CHODL: variants seen among roughly 807,000 people sequenced by gnomAD.
CHODL encodes the protein chondrolectin, also known as transmembrane protein MT75.
A neutral mutation model predicts 34.5 loss-of-function variants in CHODL; 29 were observed. The ratio of observed to expected loss-of-function variants is 0.84; its 90% confidence interval spans 0.63 to 1.15. The LOEUF (loss-of-function observed/expected upper bound fraction) is 1.15. CHODL is among the 50% of genes most tolerant of loss of function. The probability of loss-of-function intolerance (pLI) is 0.00; values close to 1 mark genes in which losing one functional copy is unlikely to be tolerated. For synonymous variants in CHODL, 125 were observed against 116.1 expected (o/e 1.08, Z -0.49); for missense variants, 332 against 332.5 (o/e 1.00, Z 0.01).
intron 1 of CHODL, among the ~76,000 whole-genome samples, chr21:18,249,030 A>C (rs2074198057): frequency 6.7e-5 from 8 of 118,622 alleles, no homozygotes; most frequent in African/African-American, 2.9e-4. Context: ...ACATAATATT[A>C]ATATATATAA....
At chr21:17,934,072 T>C (rs112405064) in intron 1 of CHODL, among the ~76,000 whole-genome samples, 9,401 of 150,578 alleles carry the variant, frequency 0.062, 827 homozygotes, top group African/African-American at 0.2. Flanking sequence ...TAGTAGTCAC[T>C]GGAGACTCCA....
intron 2 of CHODL, among the ~76,000 whole-genome samples, chr21:18,091,848 A>T (rs983806374): frequency 6.6e-6 from 1 of 152,310 alleles, no homozygotes; most frequent in Non-Finnish European, 1.5e-5. Context: ...TGATGGCCAC[A>T]GGGAGAGGCT....
intron 2 of CHODL, among the ~76,000 whole-genome samples, chr21:18,151,061 C>T (rs995832103): frequency 5.2e-5 from 7 of 134,444 alleles, no homozygotes; most frequent in African/African-American, 1.2e-4. Context: ...CCAGACTGGG[C>T]GACAGAGCGA....
chr21:18,166,332 A>C (rs1404110058), intron 2 of CHODL, among the ~76,000 whole-genome samples: 3 of 152,288 alleles, frequency 2.0e-5, no homozygotes, highest in East Asian at 1.9e-4. Context: ...CATTTGGAGG[A>C]TCTTCCTTTT....
chr21:18,172,311 C>G (rs1242297659), intron 2 of CHODL, among the ~76,000 whole-genome samples: 1 of 152,118 alleles, frequency 6.6e-6, no homozygotes, highest in Non-Finnish European at 1.5e-5. Flanking sequence ...TAAATAAAGA[C>G]AAGTCCTGTG....
chr21:18,068,609 C>T (rs927614477), intron 2 of CHODL, among the ~76,000 whole-genome samples: 2 of 152,154 alleles, frequency 1.3e-5, no homozygotes, highest in Non-Finnish European at 2.9e-5. Context: ...CTGGAAAGTG[C>T]TCTCGTAGAT....
At chr21:18,140,365 C>G (rs1159465698) in intron 2 of CHODL, among the ~76,000 whole-genome samples, 1 of 152,126 alleles carries the variant, frequency 6.6e-6, no homozygotes, top group Non-Finnish European at 1.5e-5. Context: ...GCTGCCCTTT[C>G]TATATGATGT....
At chr21:18,182,606 C>A (rs2073394679) in intron 2 of CHODL, among the ~76,000 whole-genome samples, 1 of 151,946 alleles carries the variant, frequency 6.6e-6, no homozygotes, top group Non-Finnish European at 1.5e-5. Context: ...GATTTTATGT[C>A]CCATAGTTTA....
At chr21:18,233,837 A>G (rs190321895) in intron 2 of CHODL, among the ~76,000 whole-genome samples, 22 of 152,298 alleles carry the variant, frequency 1.4e-4, no homozygotes, top group Admixed American at 7.2e-4. Context: ...ACTTACAACA[A>G]TAAATATAAT....
At chr21:18,193,744 T>TAAATAAATAAA (rs1555881319) in intron 2 of CHODL, among the ~76,000 whole-genome samples, 6 of 148,978 alleles carry the variant, frequency 4.0e-5, no homozygotes, top group African/African-American at 1.5e-4. Context: ...AATAAATAAA[T>TAAATAAATAAA]AAAAAATAAA....
At chr21:18,252,062 G>T (rs565190752) in intron 1 of CHODL, among the ~76,000 whole-genome samples, 1 of 151,938 alleles carries the variant, frequency 6.6e-6, no homozygotes, top group South Asian at 2.1e-4. Context: ...CAATATGTTT[G>T]TAGAGAAATT....
At chr21:18,023,588 G>A (rs1273859926) in intron 1 of CHODL, among the ~76,000 whole-genome samples, 1 of 152,022 alleles carries the variant, frequency 6.6e-6, no homozygotes, top group Non-Finnish European at 1.5e-5. Flanking sequence ...AGCCTGGCTG[G>A]GGCAGGCACG....
chr21:18,254,691 C>T (rs2074295753), intron 1 of CHODL, among the ~76,000 whole-genome samples: 1 of 151,898 alleles, frequency 6.6e-6, no homozygotes, highest in South Asian at 2.1e-4. Flanking sequence ...TCCTTGACAT[C>T]AATCTATTTA....
At chr21:18,076,713 T>C (rs2064870824) in intron 2 of CHODL, among the ~76,000 whole-genome samples, 1 of 152,148 alleles carries the variant, frequency 6.6e-6, no homozygotes, top group African/African-American at 2.4e-5. Context: ...AGAAGAATGA[T>C]CCAGAGTCAA....
At chr21:18,229,388 G>A (rs758850205) in intron 2 of CHODL, among the ~76,000 whole-genome samples, 1 of 152,120 alleles carries the variant, frequency 6.6e-6, no homozygotes, top group Non-Finnish European at 1.5e-5. Context: ...GGCCCTGAGT[G>A]CATTAGGTGT....
At chr21:17,992,895 C>G (rs1027696461) in intron 1 of CHODL, among the ~76,000 whole-genome samples, 1 of 152,032 alleles carries the variant, frequency 6.6e-6, no homozygotes, top group African/African-American at 2.4e-5. Flanking sequence ...CTCAGGTGAT[C>G]GCTTGCCTCA....
At chr21:18,194,239 C>T (rs972243738) in intron 2 of CHODL, among the ~76,000 whole-genome samples, 9 of 152,152 alleles carry the variant, frequency 5.9e-5, no homozygotes, top group African/African-American at 2.2e-4. Context: ...TCCTTCTCCC[C>T]AAATTGAGAT....
chr21:17,959,812 A>G (rs2824577), intron 1 of CHODL, among the ~76,000 whole-genome samples: 51,564 of 152,028 alleles, frequency 0.34, 9,085 homozygotes, highest in South Asian at 0.58. Context: ...ATGTTACTTT[A>G]AAATGTTAAA....
Position 18,245,178 on chromosome 21 carries a change from G to A in CHODL, c.-46G>A, listed in dbSNP as rs1230414880. On this transcript the variant is annotated 5_prime_UTR_variant, in exon 1 of 6. Coordinates refer to ENST00000299295, the MANE Select transcript of CHODL (RefSeq NM_024944.3). ...AGTCGCGGGCTGCGCCCTGGGCAGA[G>A]GCCGCCCTCGCTCCACGCAACACCT... 9 of 1,465,166 alleles carry A rather than the reference G, an allele frequency of 6.1e-6. No individual in the cohort carries two copies. The Admixed American group carries it at 1.7e-4, about 27-fold the overall frequency. 90.8% of individuals were successfully genotyped at this position (1,465,166 alleles called of 1,614,324 possible).
Sources: gnomAD v4.1 joint callset for allele counts (sites outside exome capture counted in the v4.1 genomes callset) on GRCh38, gnomAD v4.1.1 for gene constraint, MANE v1.5 for transcripts, NCBI Gene and HGNC (gene_info 2026-07-23, HGNC 2026-07-21) for gene names.